RAB7A: variants seen among roughly 807,000 people sequenced by gnomAD.
RAB7A encodes the protein ras-related protein Rab-7a.
RAB7A carries 2 observed loss-of-function variants against 24.5 expected under a neutral mutation model. The observed-to-expected ratio is 0.08, with a 90% CI of 0.03 to 0.26. The LOEUF (loss-of-function observed/expected upper bound fraction) is 0.26. RAB7A is among the 10% of genes least tolerant of loss of function. RAB7A has a pLI of 1.00. For synonymous variants in RAB7A, 100 were observed against 95.9 expected (o/e 1.04, Z -0.25); for missense variants, 118 against 255.7 (o/e 0.46, Z 3.67).
At position 128,784,788 on chromosome 3, in the gene RAB7A, G is replaced by A. The variant is rs181879510; in HGVS notation, c.-8-10572G>A. On this transcript the variant is annotated intron_variant, in intron 1 of 5. Transcript: ENST00000265062. Reference sequence around the variant, plus strand: ...ATTACCCTTAAAGTAAACTTAACACGTCTTGATCACAGTAGTATTTTACTT... The same window carrying A: ...ATTACCCTTAAAGTAAACTTAACACATCTTGATCACAGTAGTATTTTACTT... Among the ~76,000 whole-genome samples the A allele has an allele frequency of 1.1e-3, 169 of 152,114 alleles. 6 individuals are homozygous for A. Among genetic ancestry groups the A allele is most frequent in the Non-Finnish European group, 2.1e-4 (14 of 68,008 alleles).
At chr3:128,737,183 G>A (rs927408717) in intron 1 of RAB7A, among the ~76,000 whole-genome samples, 8 of 151,628 alleles carry the variant, frequency 5.3e-5, no homozygotes, top group South Asian at 2.1e-4. Flanking sequence ...GACTACAGGC[G>A]CCCGCCACCA....
At chr3:128,745,019 A>G (rs984699642) in intron 1 of RAB7A, among the ~76,000 whole-genome samples, 2 of 151,518 alleles carry the variant, frequency 1.3e-5, no homozygotes, top group Admixed American at 6.6e-5. Flanking sequence ...GACTACAGGC[A>G]TCCGCCACCA....
At chr3:128,772,766 T>G (rs892143026) in intron 1 of RAB7A, among the ~76,000 whole-genome samples, 4 of 152,232 alleles carry the variant, frequency 2.6e-5, no homozygotes, top group African/African-American at 9.6e-5. Context: ...GTTTTCATAT[T>G]TTTTTGGTGG....
intron 5 of RAB7A, among the ~76,000 whole-genome samples, chr3:128,808,720 G>A (rs1933856333): frequency 6.6e-6 from 1 of 152,196 alleles, no homozygotes; most frequent in African/African-American, 2.4e-5. Flanking sequence ...GTCTGGGGGT[G>A]GTCAGAGGTG....
At chr3:128,733,439 C>CT (rs1326843353) in intron 1 of RAB7A, among the ~76,000 whole-genome samples, 1 of 152,126 alleles carries the variant, frequency 6.6e-6, no homozygotes, top group Non-Finnish European at 1.5e-5. Flanking sequence ...AGTAAAAAGA[C>CT]TGAGTTTTAG....
chr3:128,734,158 A>G (rs889011706), intron 1 of RAB7A, among the ~76,000 whole-genome samples: 1 of 152,122 alleles, frequency 6.6e-6, no homozygotes. Context: ...GGCCAGGCAC[A>G]GTGGCTCATG....
At chr3:128,755,476 A>G (rs1408204156) in intron 1 of RAB7A, among the ~76,000 whole-genome samples, 1 of 152,194 alleles carries the variant, frequency 6.6e-6, no homozygotes, top group South Asian at 2.1e-4. Context: ...ACTCAAAGCT[A>G]GCAGAAAGAA....
chr3:128,771,033 A>G (rs1356268825), intron 1 of RAB7A, among the ~76,000 whole-genome samples: 3 of 151,436 alleles, frequency 2.0e-5, no homozygotes, highest in East Asian at 3.9e-4. Flanking sequence ...GCAGTGGTAC[A>G]ATCTCAGCTC....
At position 128,798,230 on chromosome 3, in the gene RAB7A, G is replaced by C. The variant is rs982426497; in HGVS notation, c.180+161G>C. 5 of 863,482 alleles carry C rather than the reference G, an allele frequency of 5.8e-6. No homozygotes were observed. The African/African-American group carries it at 8.5e-5, about 15-fold the overall frequency. The allele number at this position is 863,482 out of a possible 1,614,324, so 53.5% of individuals were successfully genotyped here. On this transcript the variant is annotated intron_variant, in intron 3 of 5. Coordinates refer to ENST00000265062, the MANE Select transcript of RAB7A (RefSeq NM_004637.6). ...GTTAAATTTGAATTTCAGATCAATA[G>C]TGAATACTTTTTTAGTATACTTCTA...
intron 1 of RAB7A, among the ~76,000 whole-genome samples, chr3:128,730,948 C>T (rs1416517995): frequency 1.3e-5 from 2 of 152,172 alleles, no homozygotes; most frequent in African/African-American, 4.8e-5. Context: ...TAAGGGGAGC[C>T]TGGGACAAGG....
intron 1 of RAB7A, among the ~76,000 whole-genome samples, chr3:128,744,658 T>C (rs188796152): frequency 7.4e-4 from 112 of 152,282 alleles, no homozygotes; most frequent in Non-Finnish European, 1.4e-3. Context: ...AAGAATTCCT[T>C]ATCCTATTGT....
At chr3:128,782,433 C>G (rs1489014825) in intron 1 of RAB7A, among the ~76,000 whole-genome samples, 2 of 152,110 alleles carry the variant, frequency 1.3e-5, no homozygotes, top group South Asian at 2.1e-4. Context: ...CCCAGCCTCA[C>G]AAGCAGCGTG....
chr3:128,730,091 A>T (rs894790832), intron 1 of RAB7A, among the ~76,000 whole-genome samples: 1 of 152,130 alleles, frequency 6.6e-6, no homozygotes, highest in Non-Finnish European at 1.5e-5. Context: ...ATAGTTCTCT[A>T]TGCTTCTCTG....
chr3:128,764,301 T>C (rs1364807395), intron 1 of RAB7A, among the ~76,000 whole-genome samples: 1 of 152,184 alleles, frequency 6.6e-6, no homozygotes. Context: ...TTTCTTTTTT[T>C]TTTTGGTACC....
At chr3:128,775,652 G>A (rs575364207) in intron 1 of RAB7A, among the ~76,000 whole-genome samples, 32 of 152,266 alleles carry the variant, frequency 2.1e-4, no homozygotes. Context: ...AAATGAATTT[G>A]TTTTACTTTG....
chr3:128,812,564 A>G (rs925444115), intron 5 of RAB7A, among the ~76,000 whole-genome samples: 2 of 152,252 alleles, frequency 1.3e-5, no homozygotes, highest in African/African-American at 4.8e-5. Context: ...CTGGCACACA[A>G]GTGCTCAGTG....
chr3:128,781,093 G>A (rs975954344), intron 1 of RAB7A, among the ~76,000 whole-genome samples: 1 of 152,320 alleles, frequency 6.6e-6, no homozygotes, highest in Middle Eastern at 3.4e-3. Context: ...ATAGCTGAAT[G>A]CATAATTTGT....
At position 128,765,150 on chromosome 3, in the gene RAB7A, C is replaced by T. The variant is rs540133246; in HGVS notation, c.-8-30210C>T. ...ACGGGCGGCCGGCCGGGGTGGGGGA[C>T]GAGCGCTGGGTTCCGTCCAAGCACT... On this transcript the variant is annotated intron_variant, in intron 1 of 5. Coordinates refer to ENST00000265062, the MANE Select transcript of RAB7A (RefSeq NM_004637.6). The T allele has an allele frequency of 2.7e-4, 188 of 699,860 alleles. No homozygotes were observed. The African/African-American group carries it at 2.8e-3, about 10-fold the overall frequency. The allele number at this position is 699,860 out of a possible 1,614,324, so 43.4% of individuals were successfully genotyped here. A position where few individuals can be genotyped will look rare whatever the true frequency, so the allele number is the denominator to read the frequency against.
At chr3:128,774,212 AAAG>A (rs1933026707) in intron 1 of RAB7A, among the ~76,000 whole-genome samples, 1 of 151,062 alleles carries the variant, frequency 6.6e-6, no homozygotes, top group African/African-American at 2.4e-5. Context: ...AAAAAAAAAA[AAAG>A]CCTGCAGAAA....
Sources: gnomAD v4.1 joint callset for allele counts (sites outside exome capture counted in the v4.1 genomes callset) on GRCh38, gnomAD v4.1.1 for gene constraint, MANE v1.5 for transcripts, NCBI Gene and HGNC (gene_info 2026-07-23, HGNC 2026-07-21) for gene names.